RERE: variants seen among roughly 807,000 people sequenced by gnomAD.
RERE encodes the protein arginine-glutamic acid dipeptide repeats, also known as arginine-glutamic acid dipeptide repeats protein.
A neutral mutation model predicts 146.1 loss-of-function variants in RERE; 40 were observed. The observed-to-expected ratio is 0.27, with a 90% CI of 0.21 to 0.36. The LOEUF (loss-of-function observed/expected upper bound fraction) is 0.36. Among genes scored for constraint, RERE ranks in the 10% least tolerant of loss-of-function variants. The probability of loss-of-function intolerance (pLI) is 1.00; values close to 1 mark genes in which losing one functional copy is unlikely to be tolerated. For synonymous variants in RERE, 1,003 were observed against 866.0 expected (o/e 1.16, Z -2.78); for missense variants, 1,933 against 2,138.7 (o/e 0.90, Z 1.90).
At position 8,605,761 on chromosome 1, in the gene RERE, A is replaced by C. The variant is rs1251552577; in HGVS notation, c.522+8800T>G. On this transcript the variant is annotated intron_variant, in intron 4 of 22. Transcript: ENST00000400908. ...CCCCATCTCCAAAAAAAAAAAAAAA[A>C]AAAAAAAAAACCCCTAAAAAAAGTG... 4.7e-5 allele frequency among the ~76,000 whole-genome samples: 7 copies of C among 149,802 alleles called. No individual in the cohort carries two copies. The East Asian group carries it at 1.2e-3, about 25-fold the overall frequency.
At chr1:8,531,107 GTCCATCCATCCATCCA>G (rs200605582) in intron 7 of RERE, among the ~76,000 whole-genome samples, 1 of 150,410 alleles carries the variant, frequency 6.6e-6, no homozygotes, top group Non-Finnish European at 1.5e-5. Flanking sequence ...CTATCTATCT[GTCCATCCATCCATCCA>G]TCCATCCATC....
intron 3 of RERE, among the ~76,000 whole-genome samples, chr1:8,620,134 T>C (rs776020394): frequency 6.6e-6 from 1 of 152,206 alleles, no homozygotes; most frequent in Non-Finnish European, 1.5e-5. Flanking sequence ...TGGTGACCTA[T>C]AAAAGCTATG....
chr1:8,812,245 G>A (rs1269406011), intron 1 of RERE, among the ~76,000 whole-genome samples: 4 of 152,162 alleles, frequency 2.6e-5, no homozygotes, highest in Admixed American at 6.5e-5. Flanking sequence ...CTCAAATACC[G>A]AGTGGTTTAT....
chr1:8,647,639 GTA>G (rs563424258), intron 2 of RERE, among the ~76,000 whole-genome samples: 58 of 71,368 alleles, frequency 8.1e-4, no homozygotes, highest in African/African-American at 2.0e-3. Flanking sequence ...TTTAAAATAT[GTA>G]TGTGTGTGTG....
chr1:8,678,878 C>T (rs4908507), intron 1 of RERE, among the ~76,000 whole-genome samples: 92,421 of 151,464 alleles, frequency 0.61, 28,595 homozygotes, highest in East Asian at 0.83. Context: ...ATTCCTCTTA[C>T]AGCCATATGA....
chr1:8,771,899 G>C (rs1374125103), intron 1 of RERE, among the ~76,000 whole-genome samples: 6 of 121,138 alleles, frequency 5.0e-5, no homozygotes, highest in African/African-American at 1.9e-4. Context: ...GACAGAGTGA[G>C]ACTCTGTCTC....
At chr1:8,408,258 T>C (rs1473982859) in intron 12 of RERE, among the ~76,000 whole-genome samples, 1 of 151,550 alleles carries the variant, frequency 6.6e-6, no homozygotes, top group Non-Finnish European at 1.5e-5. Context: ...TTACGGGAAA[T>C]AAACCTAATC....
chr1:8,673,159 G>C, intron 1 of RERE, among the ~76,000 whole-genome samples: 1 of 152,174 alleles, frequency 6.6e-6, no homozygotes, highest in African/African-American at 2.4e-5. Flanking sequence ...TCAATGGCAC[G>C]ATCTCAGCTC....
At chr1:8,654,379 A>C (rs1367605250) in intron 2 of RERE, among the ~76,000 whole-genome samples, 1 of 152,128 alleles carries the variant, frequency 6.6e-6, no homozygotes, top group Non-Finnish European at 1.5e-5. Context: ...GTGTGGGAGA[A>C]TGAAAATCTG....
At chr1:8,475,515 T>A (rs1356783106) in intron 10 of RERE, among the ~76,000 whole-genome samples, 1 of 151,460 alleles carries the variant, frequency 6.6e-6, no homozygotes, top group African/African-American at 2.4e-5. Context: ...CTGTCTCTAC[T>A]AAAAAGAAAT....
intron 15 of RERE, chr1:8,363,723 G>A (rs1038923781): frequency 6.2e-6 from 2 of 323,236 alleles, no homozygotes; most frequent in African/African-American, 4.3e-5. Context: ...GAGCCTGCAA[G>A]TTTAAAATAG....
chr1:8,514,703 G>A (rs2124321199), intron 7 of RERE, among the ~76,000 whole-genome samples: 1 of 151,164 alleles, frequency 6.6e-6, no homozygotes, highest in South Asian at 2.1e-4. Flanking sequence ...ACTCCAGCCT[G>A]GGCAAAAAAA....
At chr1:8,471,534 GAGAA>G (rs1397348545) in intron 10 of RERE, among the ~76,000 whole-genome samples, 4 of 73,538 alleles carry the variant, frequency 5.4e-5, no homozygotes, top group Non-Finnish European at 1.2e-4. Flanking sequence ...TTTTTTTTTT[GAGAA>G]AGAGTTTCAC....
At chr1:8,378,665 C>G (rs1032799908) in intron 12 of RERE, among the ~76,000 whole-genome samples, 1 of 152,224 alleles carries the variant, frequency 6.6e-6, no homozygotes, top group African/African-American at 2.4e-5. Flanking sequence ...CTACTGAACT[C>G]TGGTCTTGGA....
At chr1:8,766,831 A>G (rs756121258) in intron 1 of RERE, among the ~76,000 whole-genome samples, 4 of 152,218 alleles carry the variant, frequency 2.6e-5, no homozygotes, top group Non-Finnish European at 5.9e-5. Context: ...AAGGACTTAG[A>G]GAAGGTTTTA....
intron 4 of RERE, among the ~76,000 whole-genome samples, chr1:8,575,886 G>A (rs1258879351): frequency 1.3e-5 from 2 of 152,010 alleles, no homozygotes; most frequent in Admixed American, 6.6e-5. Flanking sequence ...CAATGTAACT[G>A]AACTGCAATA....
At chr1:8,693,747 A>G (rs911343932) in intron 1 of RERE, among the ~76,000 whole-genome samples, 3 of 152,212 alleles carry the variant, frequency 2.0e-5, no homozygotes, top group Non-Finnish European at 4.4e-5. Flanking sequence ...TATAGACTTT[A>G]GTTATAAATA....
chr1:8,446,456 T>G (rs1260846380), intron 11 of RERE, among the ~76,000 whole-genome samples: 1 of 152,200 alleles, frequency 6.6e-6, no homozygotes, highest in Non-Finnish European at 1.5e-5. Context: ...GAAGATTATG[T>G]GTCTTGGGGT....
chr1:8,424,164 T>TGGCCCCGACGCCCCCCGCGGTCCC (rs1553165047), intron 11 of RERE: 2 of 152,164 alleles, frequency 1.3e-5, no homozygotes, highest in Non-Finnish European at 2.9e-5. Flanking sequence ...AACGGGGGGC[T>TGGCCCCGACGCCCCCCGCGGTCCC]GGCCCCGACG....
Sources: gnomAD v4.1 joint callset for allele counts (sites outside exome capture counted in the v4.1 genomes callset) on GRCh38, gnomAD v4.1.1 for gene constraint, MANE v1.5 for transcripts, NCBI Gene and HGNC (gene_info 2026-07-23, HGNC 2026-07-21) for gene names.